Variants in CCNG1 observed in about 807,000 individuals in gnomAD.
The protein encoded by CCNG1 is cyclin-G1.
Under a neutral mutation model 30.0 loss-of-function variants are expected in CCNG1, and 13 were observed. The observed-to-expected ratio is 0.43, with a 90% confidence interval of 0.28 to 0.69. The LOEUF is 0.69. Ranked by LOEUF, CCNG1 falls within the 30% of genes least tolerant of loss-of-function variation. The probability of loss-of-function intolerance (pLI) is 0.16; values close to 1 mark genes in which losing one functional copy is unlikely to be tolerated. For synonymous variants in CCNG1, 110 were observed against 121.5 expected, an observed-to-expected ratio of 0.91 and a Z score of 0.62; for missense variants, 285 against 331.4, an observed-to-expected ratio of 0.86 and a Z score of 1.09.
chr5:163,439,629 G>T, intron 2 of CCNG1, 109 bp downstream of exon 2: 1 of 866,516 alleles, frequency 1.2e-6, no homozygotes, highest in Non-Finnish European at 1.8e-6. Context: ...TCAGCACGTA[G>T]CCAAAACATT....
At chr5:163,440,338 G>T (rs1757742686) in intron 2 of CCNG1, among the ~76,000 whole-genome samples, 1 of 152,086 alleles carries the variant, frequency 6.6e-6, no homozygotes, top group African/African-American at 2.4e-5. Flanking sequence ...TATTCCTCAG[G>T]TATAATTCAG....
chr5:163,452,352 G>A, the CCNG1 span: 1 of 152,148 alleles, frequency 6.6e-6, no homozygotes, highest in African/African-American at 2.4e-5. Flanking sequence ...GTCGAGGACA[G>A]CATGAGAAGC....
chr5:163,444,009 G>A lies in CCNG1; in HGVS notation c.*339G>A. 1 of 303,822 alleles carries A rather than the reference G, an allele frequency of 3.3e-6. No individual in the cohort carries two copies. Among genetic ancestry groups the A allele is most frequent in the East Asian group, 6.5e-5 (1 of 15,370 alleles). The allele number at this position is 303,822 out of a possible 1,614,324, so 18.8% of individuals were successfully genotyped here. A position where few individuals can be genotyped will look rare whatever the true frequency, so the allele number is the denominator to read the frequency against. ...TTTAGGTGGTATTGAAAATGCTATT[G>A]GAGGAGTCACACTAATACTATCAAC... On this transcript the variant is annotated 3_prime_UTR_variant, in exon 7 of 7. Transcript: ENST00000340828.
At position 163,441,813 on chromosome 5, in the gene CCNG1, A is replaced by G. The variant is rs186641024; in HGVS notation, c.519-73A>G. ...AGCTTTACTTTAAAAATTGACTTCA[A>G]TGTTTTTCTAAAAACATCTTTTGAC... On this transcript the variant is annotated intron_variant, in intron 3 of 6. Coordinates refer to ENST00000340828, the MANE Select transcript of CCNG1 (RefSeq NM_004060.4). 2.7e-3 allele frequency: 2,446 copies of G among 903,630 alleles called. 11 individuals are homozygous for G. The highest frequency in any genetic ancestry group is 3.6e-3 in the Admixed American group (164 of 45,252). 56.0% of individuals were successfully genotyped at this position (903,630 alleles called of 1,614,324 possible).
rs1218666002 is a variant in CCNG1, at chr5:163,441,982, A to G, written c.597+18A>G. ...AAGCAAAGGTAAATATTTTATAAAG[A>G]TTATGCCTATTGATATGATCTGTTT... On this transcript the variant is annotated intron_variant, in intron 4 of 6. Coordinates refer to ENST00000340828, the MANE Select transcript of CCNG1 (RefSeq NM_004060.4). 1 of 1,585,592 alleles carries G rather than the reference A, an allele frequency of 6.3e-7. No homozygotes were observed. The highest frequency in any genetic ancestry group is 1.3e-5 in the African/African-American group (1 of 74,426).
At chr5:163,455,921 G>A in the CCNG1 span, among the ~76,000 whole-genome samples, 1 of 152,264 alleles carries the variant, frequency 6.6e-6, no homozygotes, top group East Asian at 1.9e-4. Context: ...TTCGAAGGTA[G>A]CATCAGTAAG....
At chr5:163,446,494 C>CA (rs1758039881), downstream of CCNG1, 1 of 152,088 alleles carries the variant, frequency 6.6e-6, no homozygotes, top group Non-Finnish European at 1.5e-5. Context: ...CATTACCTCT[C>CA]AAAATAAAAG....
chr5:163,456,919 T>C, the CCNG1 span: 1 of 1,591,644 alleles, frequency 6.3e-7, no homozygotes, highest in Non-Finnish European at 8.6e-7. Context: ...ATACACTTCA[T>C]CTGACTTACT....
intron 1 of CCNG1, 134 bp downstream of exon 1, chr5:163,437,938 G>A (rs1757571618): frequency 6.6e-6 from 1 of 152,282 alleles, no homozygotes; most frequent in Non-Finnish European, 1.5e-5. Context: ...ACAAGCCCAG[G>A]CTAGTCCGAG....
the CCNG1 span, chr5:163,456,820 G>T: frequency 2.3e-6 from 2 of 884,742 alleles, no homozygotes; most frequent in Non-Finnish European, 3.1e-6. Flanking sequence ...AATTCTTCTA[G>T]AAAATGTTTG....
downstream of CCNG1, chr5:163,445,097 T>G (rs958961485): frequency 9.2e-5 from 14 of 152,194 alleles, no homozygotes; most frequent in African/African-American, 3.4e-4. Flanking sequence ...TAAAAAGCTA[T>G]CTCTACTCAG....
chr5:163,454,106 T>G, the CCNG1 span: 4 of 868,158 alleles, frequency 4.6e-6, no homozygotes, highest in Non-Finnish European at 6.8e-6. Flanking sequence ...AAAATACAAG[T>G]ACAAACTGGC....
At chr5:163,453,223 T>C in the CCNG1 span, 303 of 152,334 alleles carry the variant, frequency 2.0e-3, no homozygotes, top group African/African-American at 6.7e-3. Context: ...AAATAGGATA[T>C]TGAATAAAAT....
downstream of CCNG1, chr5:163,446,869 G>C (rs981674350): frequency 6.6e-6 from 1 of 152,110 alleles, no homozygotes; most frequent in Non-Finnish European, 1.5e-5. Context: ...ACAAAAATCA[G>C]CTGGGTGTGG....
At chr5:163,440,409 A>T (rs965576520) in intron 2 of CCNG1, among the ~76,000 whole-genome samples, 1 of 152,194 alleles carries the variant, frequency 6.6e-6, no homozygotes, top group South Asian at 2.1e-4. Flanking sequence ...AAATAACTAC[A>T]TTATGCCTTT....
the CCNG1 span, chr5:163,453,321 T>G: frequency 1.3e-5 from 2 of 152,230 alleles, no homozygotes; most frequent in African/African-American, 4.8e-5. Flanking sequence ...TACTTTGCTT[T>G]CTGCCACAAA....
chr5:163,451,726 G>A, the CCNG1 span: 4 of 152,260 alleles, frequency 2.6e-5, no homozygotes, highest in Non-Finnish European at 4.4e-5. Context: ...CCTAAGCAGG[G>A]TGAGGAAGAC....
At chr5:163,439,034 A>G (rs1757655857) in intron 1 of CCNG1, among the ~76,000 whole-genome samples, 1 of 151,846 alleles carries the variant, frequency 6.6e-6, no homozygotes, top group African/African-American at 2.4e-5. Flanking sequence ...CAAAAAAAAA[A>G]AAAAAAAGCA....
the CCNG1 span, chr5:163,451,458 G>A: frequency 6.6e-6 from 1 of 152,148 alleles, no homozygotes; most frequent in Admixed American, 6.5e-5. Flanking sequence ...TACTCTGACT[G>A]TGGAGGTGTT....
Sources: gnomAD v4.1 joint callset for allele counts (sites outside exome capture counted in the v4.1 genomes callset) on GRCh38, gnomAD v4.1.1 for gene constraint, MANE v1.5 for transcripts, NCBI Gene and HGNC (gene_info 2026-07-23, HGNC 2026-07-21) for gene names.